DYNLT1: variants seen among roughly 807,000 people sequenced by gnomAD.
The protein encoded by DYNLT1 is T-complex testis-specific protein 1 homolog.
A neutral mutation model predicts 19.6 loss-of-function variants in DYNLT1; 18 were observed. The observed-to-expected ratio is 0.92, with a 90% CI of 0.64 to 1.36. The LOEUF is 1.36. Ranked by LOEUF, DYNLT1 falls within the 40% of genes most tolerant of loss-of-function variation. DYNLT1 has a pLI of 0.00. For synonymous variants in DYNLT1, 56 were observed against 44.0 expected, an observed-to-expected ratio of 1.27 and a Z score of -1.07; for missense variants, 137 against 139.3, an observed-to-expected ratio of 0.98 and a Z score of 0.08.
intron 1 of DYNLT1, chr6:158,642,212 AT>A (rs1274461708): frequency 6.6e-6 from 1 of 152,204 alleles, no homozygotes; most frequent in African/African-American, 2.4e-5. Context: ...AGCTGCCAGC[AT>A]GGCTGTTCTC....
intron 2 of DYNLT1, among the ~76,000 whole-genome samples, chr6:158,639,082 C>T (rs1224663439): frequency 1.3e-5 from 2 of 152,144 alleles, no homozygotes; most frequent in Admixed American, 6.5e-5. Context: ...AACCAGCAGT[C>T]CAGGGATCTG....
In DYNLT1 at chr6:158,636,692, C is replaced by G; in HGVS notation, c.*135G>C. 2.0e-6 allele frequency: 2 copies of G among 993,164 alleles called. No individual in the cohort carries two copies. Among genetic ancestry groups the G allele is most frequent in the Non-Finnish European group, 3.0e-6 (2 of 674,384 alleles). 61.5% of individuals were successfully genotyped at this position (993,164 alleles called of 1,614,324 possible). On this transcript the variant is annotated 3_prime_UTR_variant, in exon 5 of 5. Transcript: ENST00000367089. ...GGTGCCATTCACATCACAGTGCGGT[C>G]ATTTGGTTTTTTCCTCTACATTGTG...
Position 158,641,171 on chromosome 6 carries a change from TCTAG to T in DYNLT1, c.69+144_69+147del, listed in dbSNP as rs146511052. On this transcript the variant is annotated intron_variant, in intron 2 of 4. Transcript: ENST00000367089. Reference sequence around the variant, plus strand: ...TTACATAATATAGAAGCAACTCTTATCTAGCTATTTACTGAAGTAAAAACTGTTA... The same window carrying T: ...TTACATAATATAGAAGCAACTCTTATCTATTTACTGAAGTAAAAACTGTTA... 1.7e-3 allele frequency: 1,076 copies of T among 615,712 alleles called. 17 individuals are homozygous for T. In the African/African-American group the frequency reaches 0.019, roughly 11 times the overall value. 38.1% of individuals were successfully genotyped at this position (615,712 alleles called of 1,614,324 possible). A position where few individuals can be genotyped will look rare whatever the true frequency, so the allele number is the denominator to read the frequency against.
chr6:158,639,631 G>T (rs1787093662), intron 2 of DYNLT1, among the ~76,000 whole-genome samples: 1 of 152,186 alleles, frequency 6.6e-6, no homozygotes, highest in East Asian at 1.9e-4. Context: ...ACAAGTTCAA[G>T]TAACACTGCA....
intron 1 of DYNLT1, chr6:158,642,272 T>G (rs552667007): frequency 6.6e-6 from 1 of 152,262 alleles, no homozygotes; most frequent in Non-Finnish European, 1.5e-5. Context: ...AGGAATCTAG[T>G]GCCAGGAGTA....
rs553747816 is a variant in DYNLT1 at position 158,644,716 on chromosome 6, C to T, written c.-8G>A. 3.1e-6 allele frequency: 5 copies of T among 1,611,280 alleles called. No homozygotes were observed. In the African/African-American group the frequency reaches 6.7e-5, roughly 22 times the overall value. On this transcript the variant is annotated 5_prime_UTR_variant, in exon 1 of 5. Transcript: ENST00000367089. Reference sequence around the variant, plus strand: ...AGCCTGGTAGTCTTCCATCTTTCCTCCGGCGCGTCCCCTCCGGCTCCCTGA... The same window carrying T: ...AGCCTGGTAGTCTTCCATCTTTCCTTCGGCGCGTCCCCTCCGGCTCCCTGA...
In DYNLT1 at chr6:158,636,776, T is replaced by C; in HGVS notation, c.*51A>G. The C allele has an allele frequency of 6.5e-7, 1 of 1,547,904 alleles. No homozygotes were observed. Among genetic ancestry groups the C allele is most frequent in the Non-Finnish European group, 8.8e-7 (1 of 1,135,692 alleles). On this transcript the variant is annotated 3_prime_UTR_variant, in exon 5 of 5. Coordinates refer to ENST00000367089, the MANE Select transcript of DYNLT1 (RefSeq NM_006519.4). ...GTTCACTGAATTCATGGCTGGTGGT[T>C]AGAGGATGAACTAGAGACAAAAGGA...
chr6:158,642,126 T>C (rs1392567837), intron 1 of DYNLT1: 1 of 152,228 alleles, frequency 6.6e-6, no homozygotes, highest in East Asian at 1.9e-4. Context: ...ACTTGTAAAA[T>C]GTACGATGAT....
Position 158,636,909 on chromosome 6 carries a change from A to AAG in DYNLT1, c.272-14_272-13dup. ...CACAGTGCAGCTCCCTGCGGGAGGG[A>AAG]AGAGAGCAGCATTTACGGCAGGGAA... On this transcript the variant is annotated splice_polypyrimidine_tract_variant and intron_variant, in intron 4 of 4. Coordinates refer to ENST00000367089, the MANE Select transcript of DYNLT1 (RefSeq NM_006519.4). 6.2e-6 allele frequency: 10 copies of AAG among 1,613,204 alleles called. No individual in the cohort carries two copies. The highest frequency in any genetic ancestry group is 8.5e-6 in the Non-Finnish European group (10 of 1,179,548).
At chr6:158,639,866 A>C (rs1052788148) in intron 2 of DYNLT1, among the ~76,000 whole-genome samples, 2 of 152,124 alleles carry the variant, frequency 1.3e-5, no homozygotes, top group Non-Finnish European at 2.9e-5. Flanking sequence ...TTTTTAGTAG[A>C]GACGGGGTTT....
chr6:158,639,935 TC>T (rs1225132996), intron 2 of DYNLT1, among the ~76,000 whole-genome samples: 1 of 152,222 alleles, frequency 6.6e-6, no homozygotes, highest in Non-Finnish European at 1.5e-5. Flanking sequence ...CACCTCGGCC[TC>T]CCAATGTGCT....
chr6:158,636,916 C>G lies in DYNLT1; in HGVS notation c.272-19G>C. The G allele has an allele frequency of 6.2e-7, 1 of 1,612,830 alleles. No individual in the cohort carries two copies. On this transcript the variant is annotated intron_variant, in intron 4 of 4. Coordinates refer to ENST00000367089, the MANE Select transcript of DYNLT1 (RefSeq NM_006519.4). ...CAGCTCCCTGCGGGAGGGAAGAGAG[C>G]AGCATTTACGGCAGGGAAAGCTGGG...
intron 4 of DYNLT1, 34 bp from the exon 5 acceptor site, chr6:158,636,931 G>A: frequency 3.1e-6 from 5 of 1,608,508 alleles, no homozygotes; most frequent in Non-Finnish European, 4.2e-6. Context: ...TTTACGGCAG[G>A]GAAAGCTGGG....
intron 1 of DYNLT1, 92 bp downstream of exon 1, chr6:158,644,590 G>A: frequency 6.7e-7 from 1 of 1,489,700 alleles, no homozygotes; most frequent in Non-Finnish European, 9.2e-7. Flanking sequence ...GCTGAAGGAG[G>A]TGGGCAGCCA....
rs1787008467 is a variant in DYNLT1 at position 158,636,806 on chromosome 6, G to C, written c.*21C>G. 3.1e-6 allele frequency: 5 copies of C among 1,603,570 alleles called. No homozygotes were observed. Among genetic ancestry groups the C allele is most frequent in the Non-Finnish European group, 4.3e-6 (5 of 1,174,936 alleles). ...GATGAACTAGAGACAAAAGGAGAAA[G>C]GCCATAGGCTGGACTGCAGGTCAAA... On this transcript the variant is annotated 3_prime_UTR_variant, in exon 5 of 5. Coordinates refer to ENST00000367089, the MANE Select transcript of DYNLT1 (RefSeq NM_006519.4).
chr6:158,637,743 A>G, intron 3 of DYNLT1, 28 bp downstream of exon 3: 1 of 1,614,150 alleles, frequency 6.2e-7, no homozygotes, highest in Non-Finnish European at 8.5e-7. Context: ...ACCATCCCGC[A>G]AATATAAAAG....
rs115281201 is a variant in DYNLT1 at position 158,637,301 on chromosome 6, C to T, written c.194-96G>A. 3.4e-4 allele frequency: 374 copies of T among 1,105,710 alleles called. 1 individual carries two copies. The African/African-American group carries it at 5.2e-3, about 15-fold the overall frequency. The allele number at this position is 1,105,710 out of a possible 1,614,324, so 68.5% of individuals were successfully genotyped here. ...CAAACGTACAATGTATGTAGCTCCA[C>T]GTGGTTGATGTTCTCGATAAAAATT... On this transcript the variant is annotated intron_variant, in intron 3 of 4. Transcript: ENST00000367089.
chr6:158,640,473 C>T (rs1327537954), intron 2 of DYNLT1, among the ~76,000 whole-genome samples: 2 of 152,056 alleles, frequency 1.3e-5, no homozygotes, highest in Non-Finnish European at 2.9e-5. Context: ...TGGCTTCATT[C>T]CTACCCTAGG....
chr6:158,637,335 A>G (rs1268180770), intron 3 of DYNLT1, 130 bp from the exon 4 acceptor site: 3 of 787,654 alleles, frequency 3.8e-6, no homozygotes, highest in Non-Finnish European at 6.2e-6. Flanking sequence ...TTATAGGGAC[A>G]GATTGCCTTG....
Sources: allele counts gnomAD v4.1 joint callset (sites outside exome capture counted in the v4.1 genomes callset), GRCh38; gene constraint gnomAD v4.1.1; transcripts MANE v1.5; gene names NCBI Gene and HGNC (gene_info 2026-07-23, HGNC 2026-07-21).